Variants in GALM observed in about 807,000 individuals in gnomAD.
The protein encoded by GALM is aldose 1-epimerase.
A neutral mutation model predicts 37.4 loss-of-function variants in GALM; 43 were observed. That is an observed-to-expected ratio of 1.15 (90% CI 0.90 to 1.48). GALM has a LOEUF of 1.48. Ranked by LOEUF, GALM falls within the 40% of genes most tolerant of loss-of-function variation. The pLI is 0.00. For synonymous variants in GALM, 199 were observed against 170.6 expected (o/e 1.17, Z -1.30); for missense variants, 456 against 419.1 (o/e 1.09, Z -0.77).
At chr2:38,722,535 T>A (rs1215806291) in intron 4 of GALM, among the ~76,000 whole-genome samples, 2 of 152,096 alleles carry the variant, frequency 1.3e-5, no homozygotes, top group Non-Finnish European at 2.9e-5. Context: ...GAATAAGAAA[T>A]CCTCTTCAGA....
chr2:38,681,553 G>C (rs903246914), intron 3 of GALM, 67 bp downstream of exon 3: 1 of 1,340,102 alleles, frequency 7.5e-7, no homozygotes, highest in Non-Finnish European at 1.1e-6. Flanking sequence ...TGGCTAGAGA[G>C]ATCAGAGTAG....
intron 4 of GALM, among the ~76,000 whole-genome samples, chr2:38,696,754 G>T (rs1022279788): frequency 3.5e-5 from 5 of 143,840 alleles, no homozygotes; most frequent in Non-Finnish European, 7.5e-5. Context: ...TTACAGGCGT[G>T]AGCCACCGCA....
chr2:38,670,005 G>A (rs1000377727), intron 1 of GALM, among the ~76,000 whole-genome samples: 2 of 151,574 alleles, frequency 1.3e-5, no homozygotes, highest in African/African-American at 4.8e-5. Context: ...TGGAATTACA[G>A]GTGGGCACCA....
chr2:38,696,433 CTTTTT>C (rs35556554), intron 4 of GALM, among the ~76,000 whole-genome samples: 5 of 136,544 alleles, frequency 3.7e-5, no homozygotes, highest in Non-Finnish European at 4.7e-5. Flanking sequence ...TTTTTCTTTT[CTTTTT>C]TTTTTTTTTT....
intron 1 of GALM, among the ~76,000 whole-genome samples, chr2:38,670,471 G>A (rs962322962): frequency 2.6e-5 from 4 of 152,204 alleles, no homozygotes; most frequent in African/African-American, 9.6e-5. Context: ...ACGCCCAGGA[G>A]CACCCTGGTG....
At chr2:38,713,335 G>T (rs559439593) in intron 4 of GALM, among the ~76,000 whole-genome samples, 1 of 152,134 alleles carries the variant, frequency 6.6e-6, no homozygotes, top group East Asian at 1.9e-4. Context: ...GTGGCCATTG[G>T]CTGACTGATC....
intron 3 of GALM, chr2:38,682,361 C>T (rs757045598): frequency 8.3e-6 from 3 of 361,944 alleles, no homozygotes; most frequent in Admixed American, 2.7e-5. Context: ...GTCTACTATA[C>T]TTGACTCACT....
At chr2:38,680,076 G>A (rs1348555282) in intron 2 of GALM, 2 of 454,928 alleles carry the variant, frequency 4.4e-6, no homozygotes, top group East Asian at 7.0e-5. Context: ...GTGCAATGGT[G>A]TGTGCGATCT....
intron 1 of GALM, among the ~76,000 whole-genome samples, chr2:38,672,601 C>A (rs1665137994): frequency 6.6e-6 from 1 of 152,184 alleles, no homozygotes; most frequent in Admixed American, 6.5e-5. Context: ...AGTCTTGGTT[C>A]TGCCACTACT....
chr2:38,701,545 G>A (rs1392763778), intron 4 of GALM, among the ~76,000 whole-genome samples: 2 of 152,092 alleles, frequency 1.3e-5, no homozygotes, highest in African/African-American at 2.4e-5. Flanking sequence ...GCTGCTCTCA[G>A]TTTTTAAAAG....
At chr2:38,714,027 A>T (rs1275376360) in intron 4 of GALM, among the ~76,000 whole-genome samples, 1 of 152,156 alleles carries the variant, frequency 6.6e-6, no homozygotes, top group African/African-American at 2.4e-5. Flanking sequence ...ATAAAAAAAA[A>T]ATACATATAA....
rs1027120817 is a variant in GALM at position 38,696,120 on chromosome 2, AT to A, written c.634+6237del. 2.1e-3 allele frequency among the ~76,000 whole-genome samples: 306 copies of A among 144,770 alleles called. 1 individual carries two copies. Among genetic ancestry groups the A allele is most frequent in the African/African-American group, 6.8e-3 (268 of 39,636 alleles). The allele number at this position is 144,770 out of a possible 152,430, so 95.0% of individuals were successfully genotyped here. On this transcript the variant is annotated intron_variant, in intron 4 of 6. Transcript: ENST00000272252. Reference sequence around the variant, plus strand: ...CTATAACAGTAAAAAAAGTGTAGAGATTTTTTTTTTTCTTTTGAGACAGAGT... The same window carrying A: ...CTATAACAGTAAAAAAAGTGTAGAGATTTTTTTTTTCTTTTGAGACAGAGT...
intron 4 of GALM, among the ~76,000 whole-genome samples, chr2:38,713,389 C>T (rs985112656): frequency 2.6e-5 from 4 of 152,102 alleles, no homozygotes; most frequent in African/African-American, 9.7e-5. Flanking sequence ...TGTCTTGGTT[C>T]TCTTAGAACA....
rs376971782 is a variant in GALM, at chr2:38,708,651, C to CCCGG, written c.634+18758_634+18761dup. ...AGCTACTCAGGAAGAATGGCATGAA[C>CCCGG]CCGGGTAGGCGGAGCTGGCAGTGAG... On this transcript the variant is annotated intron_variant, in intron 4 of 6. Coordinates refer to ENST00000272252, the MANE Select transcript of GALM (RefSeq NM_138801.3). Among the ~76,000 whole-genome samples the CCCGG allele has an allele frequency of 4.1e-3, 624 of 151,332 alleles. 10 individuals carry two copies. Among genetic ancestry groups the CCCGG allele is most frequent in the African/African-American group, 0.014 (561 of 41,144 alleles).
chr2:38,725,531 C>G (rs3112141), intron 4 of GALM, among the ~76,000 whole-genome samples: 4 of 145,008 alleles, frequency 2.8e-5, no homozygotes, highest in African/African-American at 1.0e-4. Flanking sequence ...ACGAGACCCT[C>G]GCTCTTAAAC....
chr2:38,734,398 A>AG lies in GALM; in HGVS notation c.*833_*834insG, dbSNP rs1572549935. The stretch of plus-strand genomic sequence containing the variant: ...AACTCGATCTCAAAAAAAAAAAAAA[A>AG]AAAAAGGAAAAAAAAGCAGCTCTCT... On this transcript the variant is annotated 3_prime_UTR_variant, in exon 7 of 7. Coordinates refer to ENST00000272252, the MANE Select transcript of GALM (RefSeq NM_138801.3). 6.6e-6 allele frequency: 1 copy of AG among 151,098 alleles called. No homozygotes were observed. The highest frequency in any genetic ancestry group is 1.5e-5 in the Non-Finnish European group (1 of 68,048). The allele number at this position is 151,098 out of a possible 1,614,324, so 9.4% of individuals were successfully genotyped here.
intron 4 of GALM, among the ~76,000 whole-genome samples, chr2:38,692,280 T>A (rs1665696559): frequency 6.6e-6 from 1 of 152,240 alleles, no homozygotes; most frequent in Non-Finnish European, 1.5e-5. Context: ...ACAAGCTAAT[T>A]GTCTGATTCC....
intron 4 of GALM, among the ~76,000 whole-genome samples, chr2:38,700,214 C>T (rs180725223): frequency 2.0e-5 from 3 of 152,164 alleles, no homozygotes; most frequent in Admixed American, 1.3e-4. Flanking sequence ...AGCCTCCCAA[C>T]GTACTAGGAT....
At chr2:38,689,297 C>A (rs1314559395) in intron 3 of GALM, among the ~76,000 whole-genome samples, 2 of 152,184 alleles carry the variant, frequency 1.3e-5, no homozygotes, top group African/African-American at 2.4e-5. Context: ...TGGGCAAATT[C>A]TCAAAAGCAG....
Sources: allele counts gnomAD v4.1 joint callset (sites outside exome capture counted in the v4.1 genomes callset), GRCh38; gene constraint gnomAD v4.1.1; transcripts MANE v1.5; gene names NCBI Gene and HGNC (gene_info 2026-07-23, HGNC 2026-07-21).